The following CEP83 variants were observed in gnomAD, a reference collection of about 807,000 sequenced individuals.
The protein encoded by CEP83 is centrosomal protein of 83 kDa.
In CEP83, 70 loss-of-function variants were observed where a neutral mutation model predicts 101.9. That is an observed-to-expected ratio of 0.69 (90% CI 0.57 to 0.84). The LOEUF is 0.84. CEP83 is among the 40% of genes least tolerant of loss of function. The probability of loss-of-function intolerance (pLI) is 0.00; values close to 1 mark genes in which losing one functional copy is unlikely to be tolerated. For synonymous variants in CEP83, 264 were observed against 267.9 expected, an observed-to-expected ratio of 0.99 and a Z score of 0.14; for missense variants, 715 against 787.2, an observed-to-expected ratio of 0.91 and a Z score of 1.10.
intron 2 of CEP83, among the ~76,000 whole-genome samples, chr12:94,414,518 T>A (rs1460106207): frequency 6.6e-6 from 1 of 152,230 alleles, no homozygotes; most frequent in African/African-American, 2.4e-5. Context: ...TAGCATTTTT[T>A]AGCAACAAAG....
the CEP83 span, among the ~76,000 whole-genome samples, chr12:94,274,825 C>T: frequency 6.6e-6 from 1 of 152,188 alleles, no homozygotes; most frequent in Non-Finnish European, 1.5e-5. Context: ...CTCTCTGTGC[C>T]TCAGTTTCTC....
chr12:94,383,215 T>C (rs986186674), intron 6 of CEP83, among the ~76,000 whole-genome samples: 1 of 152,132 alleles, frequency 6.6e-6, no homozygotes, highest in Admixed American at 6.5e-5. Flanking sequence ...AATGATTCCA[T>C]GATATAGCTT....
the CEP83 span, chr12:94,300,837 C>T: frequency 2.1e-6 from 3 of 1,425,056 alleles, no homozygotes; most frequent in South Asian, 4.1e-5. Flanking sequence ...CACCCGTTTA[C>T]AAACTGTGAT....
At position 94,446,447 on chromosome 12, in the gene CEP83, T is replaced by C. The variant is rs368293084; in HGVS notation, c.-154-11120A>G. Among the ~76,000 whole-genome samples the C allele has an allele frequency of 9.0e-4, 137 of 152,308 alleles. 1 individual carries two copies. The highest frequency in any genetic ancestry group is 4.0e-3 in the East Asian group (21 of 5,190). On this transcript the variant is annotated intron_variant, in intron 1 of 16. Transcript: ENST00000397809. ...AGTGACGGCCGGGCGTGGTGGCTCA[T>C]GCCTGTAATCCCAGCACTTTGGGAG...
chr12:94,372,781 T>C (rs2061361808), intron 8 of CEP83, among the ~76,000 whole-genome samples: 1 of 152,232 alleles, frequency 6.6e-6, no homozygotes, highest in Admixed American at 6.5e-5. Context: ...AGGCCTACTT[T>C]TGCTGTTAAA....
chr12:94,383,109 C>G (rs1177966940), intron 6 of CEP83, among the ~76,000 whole-genome samples: 1 of 151,962 alleles, frequency 6.6e-6, no homozygotes, highest in Non-Finnish European at 1.5e-5. Context: ...ACTATATAAT[C>G]TCTTTCTATA....
At chr12:94,399,631 C>T (rs1233805841) in intron 6 of CEP83, among the ~76,000 whole-genome samples, 2 of 151,928 alleles carry the variant, frequency 1.3e-5, no homozygotes, top group East Asian at 1.9e-4. Context: ...TACTTGGGTA[C>T]CTGAGGCAGG....
At chr12:94,326,825 G>A (rs1593169647) in intron 14 of CEP83, among the ~76,000 whole-genome samples, 1 of 152,128 alleles carries the variant, frequency 6.6e-6, no homozygotes, top group South Asian at 2.1e-4. Flanking sequence ...TACACAAGGG[G>A]CATGAAAAAA....
intron 1 of CEP83, among the ~76,000 whole-genome samples, chr12:94,446,209 TA>T (rs2066789963): frequency 6.6e-6 from 1 of 152,242 alleles, no homozygotes; most frequent in Admixed American, 6.5e-5. Context: ...TTTTTTTTAC[TA>T]ATCTTTCTTA....
At chr12:94,447,852 G>A (rs1435380861) in intron 1 of CEP83, among the ~76,000 whole-genome samples, 1 of 151,740 alleles carries the variant, frequency 6.6e-6, no homozygotes, top group Non-Finnish European at 1.5e-5. Context: ...GAAATAAAAA[G>A]ATACACTAAA....
chr12:94,454,318 C>A (rs2067478206), intron 1 of CEP83, among the ~76,000 whole-genome samples: 2 of 152,154 alleles, frequency 1.3e-5, no homozygotes, highest in Non-Finnish European at 2.9e-5. Flanking sequence ...GTGTCCTTCA[C>A]ACAAAAAATA....
Position 94,375,868 on chromosome 12 carries a change from A to C in CEP83, c.933+18T>G, listed in dbSNP as rs1434460280. On this transcript the variant is annotated intron_variant, in intron 8 of 16. Transcript: ENST00000397809. ...ACAAACATTCTAAAGAATGAAACAG[A>C]AACATAAAACAACTTACTTTACTGG... is the stretch of plus-strand genomic sequence containing the variant. 22 of 1,361,752 alleles carry C rather than the reference A, an allele frequency of 1.6e-5. No homozygotes were observed. Among genetic ancestry groups the C allele is most frequent in the Non-Finnish European group, 2.2e-5 (22 of 1,013,162 alleles). 84.4% of individuals were successfully genotyped at this position (1,361,752 alleles called of 1,614,324 possible). A position where few individuals can be genotyped will look rare whatever the true frequency, so the allele number is the denominator to read the frequency against.
intron 11 of CEP83, among the ~76,000 whole-genome samples, chr12:94,363,904 T>C (rs1179720568): frequency 3.4e-5 from 5 of 145,764 alleles, no homozygotes; most frequent in Non-Finnish European, 7.4e-5. Context: ...GCTGAGATCA[T>C]GCCACTGCAC....
intron 6 of CEP83, among the ~76,000 whole-genome samples, chr12:94,396,535 G>A (rs938057001): frequency 5.3e-5 from 8 of 151,862 alleles, no homozygotes; most frequent in South Asian, 4.1e-4. Context: ...TGATCCACCC[G>A]CCTCAGCCTC....
At chr12:94,417,335 A>G (rs2064355211) in intron 2 of CEP83, among the ~76,000 whole-genome samples, 1 of 152,010 alleles carries the variant, frequency 6.6e-6, no homozygotes, top group African/African-American at 2.4e-5. Flanking sequence ...AAACAAAAAC[A>G]CAAACAAAAA....
chr12:94,312,956 G>T lies in CEP83; in HGVS notation c.1769C>A (p.Ala590Glu). The change falls in exon 15 of 17, where the codon GCA (alanine) becomes GAA (glutamate). Residue 590 changes from alanine (A) to glutamate (E), a missense_variant. Transcript: ENST00000397809. Reference protein sequence around the residue: ...RLQEKVEVLEAKKEELETENQ... With the variant: ...RLQEKVEVLEEKKEELETENQ... ...TTCTGTTTCCAATTCTTCTTTCTTTGCCTCCAAGACTTCTACTTTCTCTTG... is the reference window on the plus strand; with the variant it reads ...TTCTGTTTCCAATTCTTCTTTCTTTTCCTCCAAGACTTCTACTTTCTCTTG... 1 of 1,592,056 alleles carries T rather than the reference G, an allele frequency of 6.3e-7. No homozygotes were observed. The highest frequency in any genetic ancestry group is 8.6e-7 in the Non-Finnish European group (1 of 1,164,706).
chr12:94,411,654 G>C, intron 4 of CEP83, 43 bp downstream of exon 4: 1 of 1,485,696 alleles, frequency 6.7e-7, no homozygotes, highest in African/African-American at 1.4e-5. Context: ...CTACGTATCT[G>C]ACTGCTTTTA....
At chr12:94,411,200 A>G (rs1321848403) in intron 4 of CEP83, among the ~76,000 whole-genome samples, 1 of 152,168 alleles carries the variant, frequency 6.6e-6, no homozygotes, top group Non-Finnish European at 1.5e-5. Flanking sequence ...ATCTAAAGAA[A>G]CTGTACTTCA....
downstream of CEP83, chr12:94,304,297 A>G (rs1233133489): frequency 5.4e-6 from 2 of 368,602 alleles, no homozygotes; most frequent in African/African-American, 4.1e-5. Flanking sequence ...TGGGGCCTAC[A>G]GCCACCCTGA....
Sources: gnomAD v4.1 joint callset for allele counts (sites outside exome capture counted in the v4.1 genomes callset) on GRCh38, gnomAD v4.1.1 for gene constraint, MANE v1.5 for transcripts, NCBI Gene and HGNC (gene_info 2026-07-23, HGNC 2026-07-21) for gene names.